SBNO1: variants seen among roughly 807,000 people sequenced by gnomAD.
The protein encoded by SBNO1 is strawberry notch homolog 1, also known as protein strawberry notch homolog 1.
SBNO1 carries 23 observed loss-of-function variants against 173.6 expected under a neutral mutation model. The observed-to-expected ratio is 0.13, with a 90% CI of 0.10 to 0.19. SBNO1 has a LOEUF of 0.19. Among genes scored for constraint, SBNO1 ranks in the 10% least tolerant of loss-of-function variants. The pLI is 1.00. For synonymous variants in SBNO1, 632 were observed against 571.5 expected, an observed-to-expected ratio of 1.11 and a Z score of -1.51; for missense variants, 1,238 against 1,671.2, an observed-to-expected ratio of 0.74 and a Z score of 4.52.
chr12:123,324,348 G>A (rs573445742), intron 15 of SBNO1, among the ~76,000 whole-genome samples: 1 of 149,044 alleles, frequency 6.7e-6, no homozygotes, highest in African/African-American at 2.5e-5. Context: ...TTTTGAGACC[G>A]AGTCTCTCTG....
chr12:123,330,653 C>T (rs1028634845), intron 8 of SBNO1, 144 bp from the exon 9 acceptor site: 8 of 595,092 alleles, frequency 1.3e-5, no homozygotes, highest in African/African-American at 7.5e-5. Context: ...AAACACCATC[C>T]CACTGAGTGC....
At chr12:123,317,102 T>C in intron 21 of SBNO1, 119 bp downstream of exon 21, 1 of 1,039,496 alleles carries the variant, frequency 9.6e-7, no homozygotes, top group Admixed American at 2.1e-5. Flanking sequence ...CCTCCCGAAA[T>C]GTTGGAATTA....
chr12:123,359,583 T>G (rs910078868), intron 1 of SBNO1, among the ~76,000 whole-genome samples: 1 of 151,906 alleles, frequency 6.6e-6, no homozygotes, highest in Non-Finnish European at 1.5e-5. Flanking sequence ...TATATATAGT[T>G]GTATGGGTAT....
chr12:123,295,986 A>G lies in SBNO1; in HGVS notation c.4104T>C (p.Ser1368=). ...GTTTCTGTTGGACCGCAAGCTGTTG[A>G]GACTGGTCTGAAGTTGATAGGAGAT... ...LVNLLSTSDQ[S]QQLAVQQKQL... The change falls in exon 32 of 32, where the codon TCT becomes TCC. Residue 1368 remains serine, a synonymous_variant. Transcript: ENST00000602398. 2 of 1,614,022 alleles carry G rather than the reference A, an allele frequency of 1.2e-6. No homozygotes were observed. The highest frequency in any genetic ancestry group is 1.7e-6 in the Non-Finnish European group (2 of 1,179,896).
intron 31 of SBNO1, 42 bp downstream of exon 31, chr12:123,297,936 A>G (rs540991600): frequency 1.9e-6 from 3 of 1,592,844 alleles, no homozygotes; most frequent in African/African-American, 2.7e-5. Flanking sequence ...GTCGGATCCG[A>G]TTTTTTCCTG....
At chr12:123,344,406 A>G (rs1195308294) in intron 4 of SBNO1, among the ~76,000 whole-genome samples, 2 of 152,210 alleles carry the variant, frequency 1.3e-5, no homozygotes, top group Non-Finnish European at 2.9e-5. Context: ...AACTACAGCC[A>G]CAAGGACACA....
chr12:123,351,899 A>G (rs1013597868), intron 1 of SBNO1, among the ~76,000 whole-genome samples: 3 of 152,196 alleles, frequency 2.0e-5, no homozygotes, highest in Admixed American at 2.0e-4. Context: ...GAATGGTTAG[A>G]GTCAGGCCAA....
intron 1 of SBNO1, among the ~76,000 whole-genome samples, chr12:123,360,763 A>T (rs1399441673): frequency 6.6e-6 from 1 of 152,066 alleles, no homozygotes; most frequent in African/African-American, 2.4e-5. Context: ...CACTTTTTAA[A>T]GCATAAAATG....
At position 123,327,512 on chromosome 12, in the gene SBNO1, G is replaced by A; in HGVS notation, c.1606C>T (p.Leu536=). The change falls in exon 13 of 32, where the codon CTG becomes TTG. Residue 536 remains leucine, a synonymous_variant. Transcript: ENST00000602398. ...TTGAAGGTCACTCCAGTAAAGCTCA[G>A]TTGTCGAGCAATGTACATTCCTCTA... The part of the protein sequence containing the change: ...KLRGMYIARQ[L]SFTGVTFKIE... The A allele has an allele frequency of 1.2e-6, 2 of 1,613,762 alleles. No individual in the cohort carries two copies. The highest frequency in any genetic ancestry group is 1.3e-5 in the African/African-American group (1 of 75,024).
intron 1 of SBNO1, among the ~76,000 whole-genome samples, chr12:123,363,049 G>C (rs1369835623): frequency 6.6e-6 from 1 of 152,068 alleles, no homozygotes; most frequent in Non-Finnish European, 1.5e-5. Flanking sequence ...CCACGTCACT[G>C]CACTTCAGCT....
chr12:123,336,319 A>AAAAAC, intron 6 of SBNO1, 76 bp downstream of exon 6: 1 of 987,784 alleles, frequency 1.0e-6, no homozygotes, highest in Middle Eastern at 2.1e-4. Flanking sequence ...TTATATGGAA[A>AAAAAC]AAAACAAAAC....
intron 28 of SBNO1, among the ~76,000 whole-genome samples, chr12:123,308,286 T>C (rs571897018): frequency 3.3e-5 from 5 of 152,146 alleles, no homozygotes; most frequent in Non-Finnish European, 5.9e-5. Flanking sequence ...TGAAAGAATG[T>C]AGCTATTTTA....
chr12:123,313,315 A>T lies in SBNO1; in HGVS notation c.3220+305T>A, dbSNP rs990539283. On this transcript the variant is annotated intron_variant, in intron 24 of 31. Transcript: ENST00000602398. ...ATAAATAAATAAATAAATAATTTTTAAAAAAGGCTATTTGGCAAAGTGATT... is the reference window on the plus strand; with the variant it reads ...ATAAATAAATAAATAAATAATTTTTTAAAAAGGCTATTTGGCAAAGTGATT... Among the ~76,000 whole-genome samples, 34 of 151,420 alleles carry T rather than the reference A, an allele frequency of 2.2e-4. 1 individual carries two copies. Among genetic ancestry groups the T allele is most frequent in the East Asian group, 7.7e-4 (4 of 5,186 alleles).
At position 123,311,163 on chromosome 12, in the gene SBNO1, T is replaced by TA. The variant is rs565119754; in HGVS notation, c.3221-35dup. On this transcript the variant is annotated intron_variant, in intron 24 of 31. Transcript: ENST00000602398. ...ACAGGATCAATTCTGACTCATAAATTACAAGGGATGTCTACAATGTACCAC... is the reference window on the plus strand; with the variant it reads ...ACAGGATCAATTCTGACTCATAAATTAACAAGGGATGTCTACAATGTACCAC... 7.2e-3 allele frequency: 10,792 copies of TA among 1,496,586 alleles called. 75 individuals carry two copies. The highest frequency in any genetic ancestry group is 0.017 in the Middle Eastern group (98 of 5,822). The allele number at this position is 1,496,586 out of a possible 1,614,324, so 92.7% of individuals were successfully genotyped here. A position where few individuals can be genotyped will look rare whatever the true frequency, so the allele number is the denominator to read the frequency against.
chr12:123,315,811 A>G (rs997583645), intron 21 of SBNO1, 151 bp from the exon 22 acceptor site: 6 of 585,860 alleles, frequency 1.0e-5, no homozygotes, highest in Non-Finnish European at 1.5e-5. Flanking sequence ...CATAACACAC[A>G]TAAAACTGCT....
At chr12:123,335,903 G>A (rs1202550081) in intron 6 of SBNO1, among the ~76,000 whole-genome samples, 1 of 152,154 alleles carries the variant, frequency 6.6e-6, no homozygotes, top group Non-Finnish European at 1.5e-5. Flanking sequence ...GATAAAAAGA[G>A]AATTGTAGTT....
At chr12:123,300,526 C>T (rs1408208078) in intron 30 of SBNO1, among the ~76,000 whole-genome samples, 10 of 152,034 alleles carry the variant, frequency 6.6e-5, no homozygotes, top group African/African-American at 1.5e-4. Flanking sequence ...GCGTGGTTGG[C>T]GGGTGCCTGT....
At chr12:123,331,464 T>TTGATGG (rs1006120091) in intron 7 of SBNO1, 89 bp from the exon 8 acceptor site, 19 of 1,238,096 alleles carry the variant, frequency 1.5e-5, no homozygotes, top group Non-Finnish European at 2.0e-5. Context: ...TAGGAATATG[T>TTGATGG]TATGTTTTTT....
intron 10 of SBNO1, 148 bp downstream of exon 10, chr12:123,328,586 A>G (rs1870845298): frequency 1.8e-6 from 1 of 550,264 alleles, no homozygotes; most frequent in Non-Finnish European, 2.9e-6. Flanking sequence ...AACCGAATCA[A>G]CTTTCCAATC....
Sources: gnomAD v4.1 joint callset for allele counts (sites outside exome capture counted in the v4.1 genomes callset) on GRCh38, gnomAD v4.1.1 for gene constraint, MANE v1.5 for transcripts, NCBI Gene and HGNC (gene_info 2026-07-23, HGNC 2026-07-21) for gene names.